SOAT2: variants seen among roughly 807,000 people sequenced by gnomAD.
The protein encoded by SOAT2 is ACAT-2.
A neutral mutation model predicts 76.0 loss-of-function variants in SOAT2; 87 were observed. The observed-to-expected ratio is 1.14, with a 90% CI of 0.96 to 1.37. SOAT2 has a LOEUF of 1.37. Among genes scored for constraint, SOAT2 ranks in the 40% most tolerant of loss-of-function variants. The pLI, the probability that SOAT2 is intolerant of heterozygous loss-of-function variation, is 0.00. For synonymous variants in SOAT2, 285 were observed against 275.4 expected (o/e 1.03, Z -0.34); for missense variants, 686 against 682.1 (o/e 1.01, Z -0.06).
At chr12:53,107,244 G>A (rs1042894452) in intron 5 of SOAT2, among the ~76,000 whole-genome samples, 1 of 152,158 alleles carries the variant, frequency 6.6e-6, no homozygotes, top group African/African-American at 2.4e-5. Flanking sequence ...AGAGGGGGTC[G>A]TCGTTATGGG....
At position 53,123,589 on chromosome 12, in the gene SOAT2, G is replaced by A. The variant is rs770165632; in HGVS notation, c.1373-139G>A. ...TACATGGGCCACTTTAGACCTCTACGAATTTCTGCACCTGAGTTCAAGATC... is the reference window on the plus strand; with the variant it reads ...TACATGGGCCACTTTAGACCTCTACAAATTTCTGCACCTGAGTTCAAGATC... On this transcript the variant is annotated intron_variant, in intron 13 of 14. Coordinates refer to ENST00000301466, the MANE Select transcript of SOAT2 (RefSeq NM_003578.4). The A allele has an allele frequency of 2.9e-5, 29 of 995,568 alleles. No individual in the cohort carries two copies. In the African/African-American group the frequency reaches 3.1e-4, roughly 11 times the overall value. 61.7% of individuals were successfully genotyped at this position (995,568 alleles called of 1,614,324 possible). A position where few individuals can be genotyped will look rare whatever the true frequency, so the allele number is the denominator to read the frequency against.
Position 53,118,379 on chromosome 12 carries a change from A to G in SOAT2, c.808A>G (p.Ser270Gly). 6.2e-7 allele frequency: 1 copy of G among 1,613,152 alleles called. No homozygotes were observed. The highest frequency in any genetic ancestry group is 1.7e-4 in the Middle Eastern group (1 of 6,060). The change falls in exon 8 of 15, where the codon AGC becomes GGC. Residue 270 changes from serine (S) to glycine (G), a missense_variant. By Grantham distance (56) the Ser-to-Gly change is moderately conservative. Coordinates refer to ENST00000301466, the MANE Select transcript of SOAT2 (RefSeq NM_003578.4). The part of the protein sequence containing the change: ...GEGIQAPSFS[S>G]YLYFLFCPTL... ...GGGGATCCAGGCCCCCAGTTTCTCC[A>G]GCTACCTCTACTTCCTCTTCTGCCC...
intron 12 of SOAT2, 77 bp from the exon 13 acceptor site, chr12:53,123,004 C>CG (rs946031128): frequency 1.8e-5 from 26 of 1,428,568 alleles, no homozygotes; most frequent in East Asian, 2.7e-5. Context: ...GCTGGCCGGG[C>CG]GGGGGGCTGG....
chr12:53,117,898 T>C (rs189182408), intron 7 of SOAT2, among the ~76,000 whole-genome samples: 1 of 152,272 alleles, frequency 6.6e-6, no homozygotes, highest in East Asian at 1.9e-4. Context: ...CACAGTGGCA[T>C]GAAGTGAGCA....
chr12:53,107,045 G>A (rs1937946681), intron 5 of SOAT2, among the ~76,000 whole-genome samples: 1 of 152,136 alleles, frequency 6.6e-6, no homozygotes, highest in Admixed American at 6.5e-5. Context: ...TAAGGGCACT[G>A]GTTTTTAACA....
At chr12:53,122,408 A>T (rs1463399130) in intron 12 of SOAT2, among the ~76,000 whole-genome samples, 1 of 140,050 alleles carries the variant, frequency 7.1e-6, no homozygotes. Context: ...GGGTCATAGG[A>T]CAATAGTGGA....
chr12:53,109,524 C>T (rs1937982473), intron 5 of SOAT2, among the ~76,000 whole-genome samples: 2 of 152,152 alleles, frequency 1.3e-5, no homozygotes, highest in South Asian at 4.2e-4. Flanking sequence ...CTCCGTCACC[C>T]AGGCTGGAGT....
chr12:53,121,018 G>A, intron 11 of SOAT2, 135 bp downstream of exon 11: 1 of 734,854 alleles, frequency 1.4e-6, no homozygotes, highest in South Asian at 1.6e-5. Flanking sequence ...GCAGTCCTCT[G>A]GATGTGCTTA....
At chr12:53,118,228 A>T in intron 7 of SOAT2, 122 bp from the exon 8 acceptor site, 1 of 442,922 alleles carries the variant, frequency 2.3e-6, no homozygotes. Flanking sequence ...CTCCTTGCTT[A>T]TCCCCCACCC....
At chr12:53,110,495 A>C (rs1297274202) in intron 5 of SOAT2, among the ~76,000 whole-genome samples, 1 of 152,230 alleles carries the variant, frequency 6.6e-6, no homozygotes, top group Non-Finnish European at 1.5e-5. Context: ...GGACTTCCAC[A>C]GACAATCTCT....
intron 1 of SOAT2, among the ~76,000 whole-genome samples, chr12:53,103,915 T>C (rs1937882244): frequency 6.6e-6 from 1 of 152,152 alleles, no homozygotes; most frequent in Non-Finnish European, 1.5e-5. Flanking sequence ...TAGCTTCCCA[T>C]TCCCTGAGTG....
chr12:53,108,211 G>T (rs1473290253), intron 5 of SOAT2, among the ~76,000 whole-genome samples: 1 of 152,110 alleles, frequency 6.6e-6, no homozygotes, highest in Non-Finnish European at 1.5e-5. Flanking sequence ...GATAACTTGG[G>T]GTTCCTGGCC....
chr12:53,105,855 A>ATCGCTAGGC, intron 4 of SOAT2, 52 bp from the exon 5 acceptor site: 2 of 1,080,260 alleles, frequency 1.9e-6, no homozygotes, highest in African/African-American at 7.9e-5. Flanking sequence ...GAGCTAGTTC[A>ATCGCTAGGC]CACAACCCTG....
intron 3 of SOAT2, 57 bp from the exon 4 acceptor site, chr12:53,105,503 TG>T (rs756582120): frequency 2.6e-4 from 400 of 1,519,170 alleles, no homozygotes; most frequent in Non-Finnish European, 3.2e-4. Context: ...ACCTTCTGCA[TG>T]GCCCTGCCCT....
At chr12:53,123,355 A>G (rs55907967) in intron 13 of SOAT2, 139 bp downstream of exon 13, 154,602 of 1,092,862 alleles carry the variant, frequency 0.14, 14,715 homozygotes, top group African/African-American at 0.45. Flanking sequence ...AGGTGGAGTC[A>G]AGGGGGTACT....
chr12:53,119,190 A>G lies in SOAT2; in HGVS notation c.976A>G (p.Met326Val), dbSNP rs377508025. 61 of 1,613,212 alleles carry G rather than the reference A, an allele frequency of 3.8e-5. No individual in the cohort carries two copies. The highest frequency in any genetic ancestry group is 4.9e-5 in the Non-Finnish European group (58 of 1,179,774). The change falls in exon 10 of 15, where the codon ATG becomes GTG. Residue 326 changes from methionine (M) to valine (V), a missense_variant. Transcript: ENST00000301466. ...CCTCTGTGTTCCTGTCTTTGCCAAC[A>G]TGAGCCGAGAGCCCTTCAGCACCCG... The part of the protein sequence containing the change: ...GRLCVPVFAN[M>V]SREPFSTRAL...
intron 5 of SOAT2, among the ~76,000 whole-genome samples, chr12:53,107,367 A>G (rs76862982): frequency 6.0e-4 from 92 of 152,296 alleles, no homozygotes; most frequent in African/African-American, 2.1e-3. Flanking sequence ...AACAGTACAT[A>G]TAAATAGGCT....
At chr12:53,122,835 A>G (rs1938213269) in intron 12 of SOAT2, among the ~76,000 whole-genome samples, 1 of 151,906 alleles carries the variant, frequency 6.6e-6, no homozygotes, top group South Asian at 2.1e-4. Context: ...CCCGTTCTCA[A>G]TGAGCTGTTG....
intron 7 of SOAT2, 108 bp from the exon 8 acceptor site, chr12:53,118,242 C>CCCCCT: frequency 3.9e-6 from 2 of 509,512 alleles, no homozygotes; most frequent in Non-Finnish European, 7.3e-6. Context: ...CCCACCCCCA[C>CCCCCT]CCTATCCATT....
Sources: allele counts gnomAD v4.1 joint callset (sites outside exome capture counted in the v4.1 genomes callset), GRCh38; gene constraint gnomAD v4.1.1; transcripts MANE v1.5; gene names NCBI Gene and HGNC (gene_info 2026-07-23, HGNC 2026-07-21).